SLC4A10: variants seen among roughly 807,000 people sequenced by gnomAD.
SLC4A10 encodes the protein sodium-driven chloride bicarbonate exchanger.
SLC4A10 carries 42 observed loss-of-function variants against 137.7 expected under a neutral mutation model. That is an observed-to-expected ratio of 0.30 (90% confidence interval 0.24 to 0.39). The LOEUF (loss-of-function observed/expected upper bound fraction) is 0.39. Among genes scored for constraint, SLC4A10 ranks in the 10% least tolerant of loss-of-function variants. SLC4A10 has a pLI of 1.00. For synonymous variants in SLC4A10, 474 were observed against 464.1 expected (o/e 1.02, Z -0.27); for missense variants, 925 against 1,355.0 (o/e 0.68, Z 4.98).
chr2:161,864,672 T>G (rs1227426654), intron 6 of SLC4A10, among the ~76,000 whole-genome samples: 1 of 152,156 alleles, frequency 6.6e-6, no homozygotes, highest in Non-Finnish European at 1.5e-5. Context: ...AATACCAACT[T>G]GTGTTTGTAG....
At chr2:161,666,876 A>T (rs2105755356) in intron 1 of SLC4A10, among the ~76,000 whole-genome samples, 1 of 151,840 alleles carries the variant, frequency 6.6e-6, no homozygotes, top group Non-Finnish European at 1.5e-5. Context: ...TAATAGTAAC[A>T]CTTACTGCTT....
At chr2:161,732,399 T>C (rs1359694096) in intron 1 of SLC4A10, among the ~76,000 whole-genome samples, 1 of 152,208 alleles carries the variant, frequency 6.6e-6, no homozygotes. Context: ...TGGAGTTGTA[T>C]GCAAGAGACA....
intron 1 of SLC4A10, among the ~76,000 whole-genome samples, chr2:161,653,281 C>T (rs994445695): frequency 2.0e-5 from 3 of 152,194 alleles, no homozygotes; most frequent in East Asian, 1.9e-4. Flanking sequence ...TCCAAGTCGT[C>T]GCTATTGCCA....
At chr2:161,873,617 C>T (rs796337723) in intron 7 of SLC4A10, among the ~76,000 whole-genome samples, 1 of 149,498 alleles carries the variant, frequency 6.7e-6, no homozygotes, top group Non-Finnish European at 1.5e-5. Flanking sequence ...TAACAATTCT[C>T]TTTATCTGAG....
At chr2:161,912,838 G>A (rs553697769) in intron 15 of SLC4A10, among the ~76,000 whole-genome samples, 264 of 152,254 alleles carry the variant, frequency 1.7e-3, no homozygotes, top group African/African-American at 6.0e-3. Context: ...TTTGCCAGAA[G>A]AGGATATAAG....
At chr2:161,790,187 A>G (rs1366025900) in intron 2 of SLC4A10, among the ~76,000 whole-genome samples, 1 of 152,178 alleles carries the variant, frequency 6.6e-6, no homozygotes, top group Non-Finnish European at 1.5e-5. Flanking sequence ...CCATATCACA[A>G]TAGTTTTACA....
At position 161,873,980 on chromosome 2, in the gene SLC4A10, G is replaced by T. The variant is rs145064806; in HGVS notation, c.923G>T (p.Gly308Val). ...PCGMKQRHEK[G>V]PPHQQEREVD... ...GGGATGAAACAAAGGCATGAAAAAG[G>T]ACCTCCACACCAGCAAGAGAGAGAG... Residue 308 changes from glycine (G) to valine (V), a missense_variant, in exon 8 of 27, where the codon GGA (glycine) becomes GTA (valine). By Grantham distance (109) the Gly-to-Val change is moderately radical (BLOSUM62 -3). This residue lies in a region of SLC4A10 where 277 missense variants were observed against 306.1 expected (regional missense o/e 0.90). Coordinates refer to ENST00000446997, the MANE Select transcript of SLC4A10 (RefSeq NM_001178015.2). 1.3e-5 allele frequency: 21 copies of T among 1,592,900 alleles called. No homozygotes were observed. The highest frequency in any genetic ancestry group is 3.3e-4 in the Middle Eastern group (2 of 6,050).
At chr2:161,887,684 C>T (rs1305105970) in intron 10 of SLC4A10, among the ~76,000 whole-genome samples, 1 of 151,940 alleles carries the variant, frequency 6.6e-6, no homozygotes, top group Admixed American at 6.6e-5. Flanking sequence ...GTTGAAGTTC[C>T]TTGTAGATTC....
At chr2:161,802,313 T>C (rs1389442941) in intron 2 of SLC4A10, among the ~76,000 whole-genome samples, 2 of 152,128 alleles carry the variant, frequency 1.3e-5, no homozygotes, top group Admixed American at 6.6e-5. Flanking sequence ...TATAGTTTCA[T>C]GCCAATCTCA....
chr2:161,811,875 C>T lies in SLC4A10; in HGVS notation c.277+7280C>T, dbSNP rs143976357. 1.7e-4 allele frequency among the ~76,000 whole-genome samples: 26 copies of T among 152,132 alleles called. No individual in the cohort carries two copies. The East Asian group carries it at 4.2e-3, about 25-fold the overall frequency. On this transcript the variant is annotated intron_variant, in intron 3 of 26. Transcript: ENST00000446997. Reference sequence around the variant, plus strand: ...TTTCTAATTTAATTGACCTCTTCCTCTTGAAATGAATTTTTCTTATCATCT... The same window carrying T: ...TTTCTAATTTAATTGACCTCTTCCTTTTGAAATGAATTTTTCTTATCATCT...
intron 3 of SLC4A10, among the ~76,000 whole-genome samples, chr2:161,811,831 A>G (rs3849342): frequency 0.066 from 10,074 of 151,862 alleles, 436 homozygotes; most frequent in East Asian, 0.15. Flanking sequence ...CCCTCTCACC[A>G]CTCTGGAAAC....
rs530124018 is a variant in SLC4A10, at chr2:161,669,847, T to C, written c.48+45281T>C. On this transcript the variant is annotated intron_variant, in intron 1 of 26. Transcript: ENST00000446997. The stretch of plus-strand genomic sequence containing the variant: ...AATTGGGTGACACAGTAAAACTGAA[T>C]AGACTTATTATGAAGCCATGGTTTG... Among the ~76,000 whole-genome samples, 4 of 152,178 alleles carry C rather than the reference T, an allele frequency of 2.6e-5. No homozygotes were observed. The East Asian group carries it at 7.7e-4, about 29-fold the overall frequency.
intron 22 of SLC4A10, 66 bp from the exon 23 acceptor site, chr2:161,964,985 C>T: frequency 6.8e-7 from 1 of 1,464,648 alleles, no homozygotes. Context: ...AAAAACCATA[C>T]AGGCAAATCT....
chr2:161,977,488 A>G (rs1323253718), intron 25 of SLC4A10, among the ~76,000 whole-genome samples: 1 of 152,092 alleles, frequency 6.6e-6, no homozygotes, highest in African/African-American at 2.4e-5. Flanking sequence ...AACAGTCATC[A>G]AAGGATTTCC....
intron 1 of SLC4A10, among the ~76,000 whole-genome samples, chr2:161,693,773 T>C (rs2042229678): frequency 6.6e-6 from 1 of 151,652 alleles, no homozygotes; most frequent in South Asian, 2.1e-4. Flanking sequence ...CCCTTCAGGT[T>C]CATCCATGTT....
At chr2:161,680,924 A>G (rs1234745835) in intron 1 of SLC4A10, among the ~76,000 whole-genome samples, 2 of 152,102 alleles carry the variant, frequency 1.3e-5, no homozygotes, top group African/African-American at 4.8e-5. Flanking sequence ...CAGTGCAGTT[A>G]CAGAGGAAGA....
chr2:161,885,006 C>T (rs543055039), intron 10 of SLC4A10, among the ~76,000 whole-genome samples: 2 of 152,030 alleles, frequency 1.3e-5, no homozygotes, highest in East Asian at 1.9e-4. Flanking sequence ...GGTGAAACCT[C>T]GTCTCTACTA....
intron 8 of SLC4A10, among the ~76,000 whole-genome samples, chr2:161,878,504 C>T (rs1488375820): frequency 2.0e-5 from 3 of 152,084 alleles, no homozygotes; most frequent in Non-Finnish European, 4.4e-5. Flanking sequence ...GTCAGAAATT[C>T]AACTATAGCT....
chr2:161,779,747 A>T (rs922083552), intron 2 of SLC4A10, among the ~76,000 whole-genome samples: 13 of 151,962 alleles, frequency 8.6e-5, no homozygotes, highest in Admixed American at 2.6e-4. Context: ...TATTGGCCAA[A>T]TTTTTTCCTG....
Sources: allele counts gnomAD v4.1 joint callset (sites outside exome capture counted in the v4.1 genomes callset), GRCh38; gene constraint gnomAD v4.1.1; regional missense constraint gnomAD v4.1.1; transcripts MANE v1.5; gene names NCBI Gene and HGNC (gene_info 2026-07-23, HGNC 2026-07-21).